MYOF: variants seen among roughly 807,000 people sequenced by gnomAD.
MYOF encodes myoferlin.
In MYOF, 244 loss-of-function variants were observed where a neutral mutation model predicts 284.2. The observed-to-expected ratio is 0.86, with a 90% CI of 0.77 to 0.95. MYOF has a LOEUF of 0.95. Ranked by LOEUF, MYOF falls within the 40% of genes least tolerant of loss-of-function variation. The pLI, the probability that MYOF is intolerant of heterozygous loss-of-function variation, is 0.00. For missense variants in MYOF, 2,496 were observed against 2,560.6 expected, an observed-to-expected ratio of 0.97 and a Z score of 0.54; for synonymous variants, 904 against 919.7, an observed-to-expected ratio of 0.98 and a Z score of 0.31.
At chr10:93,328,695 C>T in intron 45 of MYOF, 68 bp downstream of exon 45, 3 of 1,505,588 alleles carry the variant, frequency 2.0e-6, no homozygotes, top group Non-Finnish European at 2.7e-6. Context: ...ATTCACTCCC[C>T]CAAACCCAGC....
At chr10:93,449,587 G>T (rs940186803) in intron 3 of MYOF, among the ~76,000 whole-genome samples, 1 of 152,170 alleles carries the variant, frequency 6.6e-6, no homozygotes, top group South Asian at 2.1e-4. Context: ...ATATGCGACA[G>T]AAACTTAAAA....
chr10:93,347,665 G>A lies in MYOF; in HGVS notation c.4201C>T (p.Arg1401Cys), dbSNP rs756925871. ...QCTIERLDRFRCDPYAGKEDI... is the reference protein window; with the variant it reads ...QCTIERLDRFCCDPYAGKEDI... ...TCTTTCCCTGCATAAGGGTCACAGC[G>A]AAAGCGGTCCAGGCGCTCGATGGTG... is the stretch of plus-strand genomic sequence containing the variant. The change falls in exon 37 of 54, where the codon CGC (arginine) becomes TGC (cysteine). Residue 1401 changes from arginine to cysteine, a missense_variant. Physicochemically the swap from Arg to Cys is radical, Grantham distance 180. Coordinates refer to ENST00000359263, the MANE Select transcript of MYOF (RefSeq NM_013451.4). 9.3e-6 allele frequency: 15 copies of A among 1,613,856 alleles called. No homozygotes were observed. Among genetic ancestry groups the A allele is most frequent in the Middle Eastern group, 1.7e-4 (1 of 6,028 alleles).
At chr10:93,472,172 C>T (rs547057972) in intron 1 of MYOF, among the ~76,000 whole-genome samples, 2 of 152,232 alleles carry the variant, frequency 1.3e-5, no homozygotes, top group South Asian at 4.1e-4. Context: ...GCTAATGCAG[C>T]AAGTGTGAGC....
At chr10:93,322,303 A>C (rs1842875663) in intron 48 of MYOF, among the ~76,000 whole-genome samples, 1 of 152,220 alleles carries the variant, frequency 6.6e-6, no homozygotes, top group Admixed American at 6.5e-5. Context: ...TAGCAACAAT[A>C]CTATGTGCCA....
At chr10:93,309,952 T>C in intron 53 of MYOF, 68 bp downstream of exon 53, 2 of 1,595,444 alleles carry the variant, frequency 1.3e-6, no homozygotes, top group South Asian at 1.1e-5. Flanking sequence ...TCAGGGCAGA[T>C]GCCAAGGGAG....
intron 18 of MYOF, among the ~76,000 whole-genome samples, chr10:93,388,762 A>G (rs1846524046): frequency 6.6e-6 from 1 of 152,246 alleles, no homozygotes; most frequent in Admixed American, 6.5e-5. Context: ...TGATGTTGAA[A>G]AGAATTCCAA....
rs767640839 is a variant in MYOF, at chr10:93,381,352, A to G, written c.1743T>C (p.His581=). Residue 581 remains histidine, a synonymous_variant, in exon 20 of 54, where the codon CAT becomes CAC. Coordinates refer to ENST00000359263, the MANE Select transcript of MYOF (RefSeq NM_013451.4). ...RRKYSLSAVF[H]SATMLQDVGE... is the part of the protein sequence containing the mutation. ...CAACATCTTGCAACATGGTGGCTGA[A>G]TGAAACACGGCAGACAGGCTGTACT... The G allele has an allele frequency of 7.4e-6, 12 of 1,614,238 alleles. No individual in the cohort carries two copies. Among genetic ancestry groups the G allele is most frequent in the Non-Finnish European group, 1.0e-5 (12 of 1,180,040 alleles).
chr10:93,373,953 T>G (rs1013735591), intron 23 of MYOF, among the ~76,000 whole-genome samples: 1 of 152,234 alleles, frequency 6.6e-6, no homozygotes, highest in Non-Finnish European at 1.5e-5. Flanking sequence ...GTTGGTTTGC[T>G]GCACCCATCA....
At chr10:93,468,837 G>C (rs1036933325) in intron 1 of MYOF, among the ~76,000 whole-genome samples, 12 of 152,300 alleles carry the variant, frequency 7.9e-5, no homozygotes, top group Admixed American at 2.0e-4. Context: ...TTTGTGAGCT[G>C]TTGTTTGTCA....
intron 17 of MYOF, among the ~76,000 whole-genome samples, chr10:93,391,275 C>T (rs1460560230): frequency 6.6e-6 from 1 of 152,190 alleles, no homozygotes; most frequent in East Asian, 1.9e-4. Flanking sequence ...GTGCTCACAT[C>T]TTAGTATAGT....
chr10:93,373,173 A>C, intron 23 of MYOF, 88 bp from the exon 24 acceptor site: 3 of 1,489,772 alleles, frequency 2.0e-6, no homozygotes, highest in Non-Finnish European at 2.8e-6. Flanking sequence ...CTGGACCCTC[A>C]GGGATTCATT....
intron 39 of MYOF, chr10:93,338,339 C>G (rs953660604): frequency 4.4e-6 from 2 of 457,266 alleles, no homozygotes; most frequent in Non-Finnish European, 4.4e-6. Flanking sequence ...ACAATACTCA[C>G]TAGCTAAAAA....
At chr10:93,413,492 A>T (rs1847988385) in intron 5 of MYOF, among the ~76,000 whole-genome samples, 2 of 152,196 alleles carry the variant, frequency 1.3e-5, no homozygotes, top group Non-Finnish European at 2.9e-5. Context: ...AAATGCTAGC[A>T]GTTGTGCTGG....
At chr10:93,393,939 T>C (rs1846826145) in intron 16 of MYOF, among the ~76,000 whole-genome samples, 1 of 152,210 alleles carries the variant, frequency 6.6e-6, no homozygotes, top group South Asian at 2.1e-4. Flanking sequence ...CATATAAATA[T>C]TCTCTGCAGA....
At chr10:93,419,915 T>A (rs1341363087) in intron 5 of MYOF, among the ~76,000 whole-genome samples, 2 of 152,190 alleles carry the variant, frequency 1.3e-5, no homozygotes, top group African/African-American at 4.8e-5. Flanking sequence ...GCGGATCACC[T>A]GAGGTCGGGA....
chr10:93,408,948 T>C (rs1204549721), intron 6 of MYOF, 33 bp from the exon 7 acceptor site: 10 of 1,612,876 alleles, frequency 6.2e-6, no homozygotes, highest in Non-Finnish European at 8.5e-6. Flanking sequence ...TTACCCAACC[T>C]TTCCCAGCAC....
intron 50 of MYOF, among the ~76,000 whole-genome samples, chr10:93,314,285 T>G (rs1431722392): frequency 6.6e-6 from 1 of 152,184 alleles, no homozygotes; most frequent in Middle Eastern, 3.2e-3. Flanking sequence ...GACAGGGTTT[T>G]GCCATGTTGG....
intron 26 of MYOF, among the ~76,000 whole-genome samples, chr10:93,365,856 G>C (rs1235657055): frequency 6.6e-6 from 1 of 152,154 alleles, no homozygotes; most frequent in Non-Finnish European, 1.5e-5. Context: ...CCTAAGCCTA[G>C]AGTTCTCTCA....
intron 50 of MYOF, among the ~76,000 whole-genome samples, chr10:93,316,305 G>A (rs1010697474): frequency 6.6e-6 from 1 of 151,862 alleles, no homozygotes; most frequent in African/African-American, 2.4e-5. Context: ...TTACCACAGA[G>A]GAGAATGGGC....
Sources: gnomAD v4.1 joint callset for allele counts (sites outside exome capture counted in the v4.1 genomes callset) on GRCh38, gnomAD v4.1.1 for gene constraint, MANE v1.5 for transcripts, NCBI Gene and HGNC (gene_info 2026-07-23, HGNC 2026-07-21) for gene names.